Variants in IWS1 observed in about 807,000 individuals in gnomAD.
IWS1 encodes the protein protein IWS1 homolog.
Under a neutral mutation model 86.7 loss-of-function variants are expected in IWS1, and 27 were observed. The observed-to-expected ratio is 0.31, with a 90% CI of 0.23 to 0.43. The LOEUF (loss-of-function observed/expected upper bound fraction) is 0.43. IWS1 is among the 20% of genes least tolerant of loss of function. IWS1 has a pLI of 1.00. For synonymous variants in IWS1, 313 were observed against 335.1 expected, an observed-to-expected ratio of 0.93 and a Z score of 0.72; for missense variants, 827 against 1,000.8, an observed-to-expected ratio of 0.83 and a Z score of 2.34.
chr2:127,518,059 G>A (rs569211454), intron 2 of IWS1, among the ~76,000 whole-genome samples: 2 of 152,300 alleles, frequency 1.3e-5, no homozygotes, highest in East Asian at 3.9e-4. Context: ...ACTGTGGGGT[G>A]GGGAGGGGTA....
chr2:127,502,208 G>A (rs916563294), intron 5 of IWS1, among the ~76,000 whole-genome samples: 5 of 152,184 alleles, frequency 3.3e-5, no homozygotes, highest in Admixed American at 3.3e-4. Flanking sequence ...AAATCTTATG[G>A]TGCTGCTCTC....
In IWS1 at chr2:127,489,716, C is replaced by CA; in HGVS notation, c.2159+115dup. On this transcript the variant is annotated intron_variant, in intron 11 of 13. Coordinates refer to ENST00000295321, the MANE Select transcript of IWS1 (RefSeq NM_017969.3). This position sits in a 1 kb window ranked among gnomAD's most constrained non-coding sequence, Gnocchi z 4.8. ...GATATTATGAATTATGTACACATATCAAGCTGAGAGGAAAGGAAATCCTAT... is the reference window on the plus strand; with the variant it reads ...GATATTATGAATTATGTACACATATCAAAGCTGAGAGGAAAGGAAATCCTAT... The CA allele has an allele frequency of 2.8e-6, 2 of 724,910 alleles. No individual in the cohort carries two copies. Among genetic ancestry groups the CA allele is most frequent in the Non-Finnish European group, 5.0e-6 (2 of 398,504 alleles). The allele number at this position is 724,910 out of a possible 1,614,324, so 44.9% of individuals were successfully genotyped here.
rs981211040 is a variant in IWS1, at chr2:127,499,921, G to GA, written c.1468-1685dup. Among the ~76,000 whole-genome samples, 1 of 151,864 alleles carries GA rather than the reference G, an allele frequency of 6.6e-6. No individual in the cohort carries two copies. Among genetic ancestry groups the GA allele is most frequent in the Non-Finnish European group, 1.5e-5 (1 of 67,934 alleles). On this transcript the variant is annotated intron_variant, in intron 5 of 13. Coordinates refer to ENST00000295321, the MANE Select transcript of IWS1 (RefSeq NM_017969.3). The surrounding 1 kb of genome is among the most constrained non-coding windows in gnomAD (Gnocchi z 4.0). ...GGGTCAACTGGATACTTCAAATAAGGAAAAAAATCTTGACTCTTACCTCAT... is the reference window on the plus strand; with the variant it reads ...GGGTCAACTGGATACTTCAAATAAGGAAAAAAAATCTTGACTCTTACCTCAT...
At chr2:127,522,032 A>ATTTT (rs1305922050) in intron 2 of IWS1, among the ~76,000 whole-genome samples, 1 of 152,216 alleles carries the variant, frequency 6.6e-6, no homozygotes, top group Non-Finnish European at 1.5e-5. Flanking sequence ...CCAACTATCA[A>ATTTT]TTAAAATATT....
intron 2 of IWS1, among the ~76,000 whole-genome samples, chr2:127,513,144 G>C (rs988203061): frequency 6.6e-6 from 1 of 152,200 alleles, no homozygotes; most frequent in Admixed American, 6.5e-5. Context: ...AGGATGCTGA[G>C]GCAAGAGAAT....
chr2:127,488,992 T>C (rs1443451005), intron 12 of IWS1, among the ~76,000 whole-genome samples, 187 bp downstream of exon 12: 1 of 150,400 alleles, frequency 6.6e-6, no homozygotes, highest in Admixed American at 6.6e-5. Context: ...ATTGAATGAA[T>C]TATTTTCTCA....
intron 7 of IWS1, 29 bp downstream of exon 7, chr2:127,495,969 A>G: frequency 6.5e-7 from 1 of 1,543,914 alleles, no homozygotes; most frequent in Non-Finnish European, 8.7e-7. Flanking sequence ...GGAGGAAAAA[A>G]AGGTGAACCT....
intron 1 of IWS1, among the ~76,000 whole-genome samples, chr2:127,524,824 A>C (rs536888748): frequency 6.6e-6 from 1 of 152,152 alleles, no homozygotes; most frequent in African/African-American, 2.4e-5. Context: ...GTAACTTAAA[A>C]ACACAAATGA....
At chr2:127,525,328 G>C (rs1426755247) in intron 1 of IWS1, among the ~76,000 whole-genome samples, 1 of 152,178 alleles carries the variant, frequency 6.6e-6, no homozygotes, top group Non-Finnish European at 1.5e-5. Context: ...ACTGTCCTAC[G>C]TAAGGAAAAG....
Position 127,499,930 on chromosome 2 carries a change from C to A in IWS1, c.1468-1693G>T, listed in dbSNP as rs892689790. Among the ~76,000 whole-genome samples the A allele has an allele frequency of 2.6e-5, 4 of 152,108 alleles. No individual in the cohort carries two copies. The highest frequency in any genetic ancestry group is 4.8e-5 in the African/African-American group (2 of 41,420). ...GGATACTTCAAATAAGGAAAAAAAT[C>A]TTGACTCTTACCTCATACCACATAC... On this transcript the variant is annotated intron_variant, in intron 5 of 13. Transcript: ENST00000295321. The surrounding 1 kb of genome is among the most constrained non-coding windows in gnomAD (Gnocchi z 4.0).
At chr2:127,502,137 A>T (rs573300140) in intron 5 of IWS1, among the ~76,000 whole-genome samples, 1 of 152,328 alleles carries the variant, frequency 6.6e-6, no homozygotes, top group Admixed American at 6.5e-5. Flanking sequence ...GAGATTCTCT[A>T]GTCTGCCAGA....
Position 127,499,825 on chromosome 2 carries a change from G to A in IWS1, c.1468-1588C>T, listed in dbSNP as rs1690709375. Reference sequence around the variant, plus strand: ...GCAAACAGATTGGAAAATATATACAGACACTTGATATATGACAAAGATGGC... The same window carrying A: ...GCAAACAGATTGGAAAATATATACAAACACTTGATATATGACAAAGATGGC... On this transcript the variant is annotated intron_variant, in intron 5 of 13. Transcript: ENST00000295321. This position sits in a 1 kb window ranked among gnomAD's most constrained non-coding sequence, Gnocchi z 4.0. 2.0e-5 allele frequency among the ~76,000 whole-genome samples: 3 copies of A among 151,908 alleles called. No individual in the cohort carries two copies. Among genetic ancestry groups the A allele is most frequent in the African/African-American group, 7.3e-5 (3 of 41,322 alleles).
intron 6 of IWS1, 86 bp from the exon 7 acceptor site, chr2:127,496,234 C>A (rs1159669111): frequency 7.2e-7 from 1 of 1,393,988 alleles, no homozygotes; most frequent in South Asian, 1.4e-5. Context: ...CACCAAATTT[C>A]TTAATTCTAA....
At chr2:127,502,929 AC>A in intron 4 of IWS1, 57 bp from the exon 5 acceptor site, 1 of 970,884 alleles carries the variant, frequency 1.0e-6, no homozygotes, top group Non-Finnish European at 1.6e-6. Flanking sequence ...TTGCATAGGA[AC>A]CATTTTTTAA....
chr2:127,521,575 CACTT>C (rs1194787139), intron 2 of IWS1, among the ~76,000 whole-genome samples: 1 of 152,210 alleles, frequency 6.6e-6, no homozygotes, highest in Non-Finnish European at 1.5e-5. Flanking sequence ...GTGCTCCAAA[CACTT>C]ACAGAGGTAA....
Position 127,505,721 on chromosome 2 carries a change from G to A in IWS1, c.182C>T (p.Pro61Leu). ...AGAGTCTGTCACATGATGTCCTTTG[G>A]GGAGGCCATCTTCTCGATCACTAGT... ...NETSDREDGL[P>L]KGHHVTDSEN... Residue 61 changes from proline (P) to leucine (L), a missense_variant, in exon 3 of 14, where the codon CCC becomes CTC. Pro to Leu is a moderately conservative substitution (Grantham distance 98, BLOSUM62 -3). Around this residue, in one of 2 missense-constraint regions of IWS1, gnomAD observed 548 missense variants for 560.2 expected, o/e 0.98. Coordinates refer to ENST00000295321, the MANE Select transcript of IWS1 (RefSeq NM_017969.3). This position sits in a 1 kb window ranked among gnomAD's most constrained non-coding sequence, Gnocchi z 5.0. 6.4e-7 allele frequency: 1 copy of A among 1,572,634 alleles called. No individual in the cohort carries two copies. The highest frequency in any genetic ancestry group is 1.7e-4 in the Middle Eastern group (1 of 5,874).
rs748823842 is a variant in IWS1, at chr2:127,505,331, G to A, written c.572C>T (p.Pro191Leu). The change falls in exon 3 of 14, where the codon CCA (proline) becomes CTA (leucine). Residue 191 changes from proline (P) to leucine (L), a missense_variant. By Grantham distance (98) the Pro-to-Leu change is moderately conservative. Around this residue, in one of 2 missense-constraint regions of IWS1, gnomAD observed 548 missense variants for 560.2 expected, o/e 0.98. Transcript: ENST00000295321. The surrounding 1 kb of genome is among the most constrained non-coding windows in gnomAD (Gnocchi z 5.0). ...TTCGGAGTCACTGGCTTGGTGCCTT[G>A]GGGGTTCCTCACTCTCAGAGTCACT... ...QISDSESEEPPRHQASDSENE... is the reference protein window; with the variant it reads ...QISDSESEEPLRHQASDSENE... 3.1e-6 allele frequency: 5 copies of A among 1,613,470 alleles called. No individual in the cohort carries two copies. The East Asian group carries it at 1.1e-4, about 36-fold the overall frequency.
chr2:127,521,471 C>A (rs777554), intron 2 of IWS1, among the ~76,000 whole-genome samples: 129,110 of 152,166 alleles, frequency 0.85, 54,862 homozygotes, highest in East Asian at 1. Context: ...CAGCCTGATA[C>A]ACCCATAGTA....
intron 2 of IWS1, among the ~76,000 whole-genome samples, chr2:127,515,097 C>T (rs1035137205): frequency 6.6e-6 from 1 of 152,228 alleles, no homozygotes; most frequent in Admixed American, 6.5e-5. Flanking sequence ...ACAGTTTAAT[C>T]ACTCATTTTC....
Sources: gnomAD v4.1 joint callset for allele counts (sites outside exome capture counted in the v4.1 genomes callset) on GRCh38, gnomAD v4.1.1 for gene constraint, gnomAD v4.1.1 regional missense constraint, Gnocchi (gnomAD v3.1) non-coding constraint, MANE v1.5 for transcripts, NCBI Gene and HGNC (gene_info 2026-07-23, HGNC 2026-07-21) for gene names.